CCM2: variants seen among roughly 807,000 people sequenced by gnomAD.
CCM2 encodes the protein cerebral cavernous malformations 2 protein.
Under a neutral mutation model 44.9 loss-of-function variants are expected in CCM2, and 25 were observed. That is an observed-to-expected ratio of 0.56 (90% confidence interval 0.41 to 0.78). The LOEUF (loss-of-function observed/expected upper bound fraction) is 0.78. CCM2 is among the 30% of genes least tolerant of loss of function. CCM2 has a pLI of 0.00. For synonymous variants in CCM2, 219 were observed against 241.1 expected, an observed-to-expected ratio of 0.91 and a Z score of 0.85; for missense variants, 481 against 580.6, an observed-to-expected ratio of 0.83 and a Z score of 1.76.
At position 45,064,645 on chromosome 7, in the gene CCM2, A is replaced by C. The variant is rs1176149386; in HGVS notation, c.471A>C (p.Thr157=). ...DDAAHLVVLK[T]AQDPGISPSQ... ...CTGCACACCTGGTGGTCCTGAAGAC[A>C]GGTACAGGAGGTCAGGGGTCAGGAG... Residue 157 remains threonine, a splice_region_variant and synonymous_variant, in exon 4 of 10, where the codon ACA becomes ACC. Coordinates refer to ENST00000258781, the MANE Select transcript of CCM2 (RefSeq NM_031443.4). 3 of 1,613,804 alleles carry C rather than the reference A, an allele frequency of 1.9e-6. No individual in the cohort carries two copies. The South Asian group carries it at 3.3e-5, about 18-fold the overall frequency.
At chr7:45,053,702 C>T (rs1232733804) in intron 2 of CCM2, among the ~76,000 whole-genome samples, 6 of 152,154 alleles carry the variant, frequency 3.9e-5, no homozygotes, top group African/African-American at 1.4e-4. Flanking sequence ...GGTTAGCTTC[C>T]CCTTCGGAGG....
chr7:45,050,216 G>C lies in CCM2; in HGVS notation c.204+11790G>C, dbSNP rs201657981. Among the ~76,000 whole-genome samples the C allele has an allele frequency of 7.2e-5, 11 of 152,334 alleles. No individual in the cohort carries two copies. In the East Asian group the frequency reaches 1.7e-3, roughly 24 times the overall value. ...CATACATTAACATGCTGTACAGGTT[G>C]TAGCCTGGGAGCAATACCATATAGC... On this transcript the variant is annotated intron_variant, in intron 2 of 9. Coordinates refer to ENST00000258781, the MANE Select transcript of CCM2 (RefSeq NM_031443.4).
intron 2 of CCM2, among the ~76,000 whole-genome samples, chr7:45,051,002 C>T (rs767093443): frequency 2.0e-4 from 31 of 152,156 alleles, no homozygotes; most frequent in Non-Finnish European, 2.8e-4. Flanking sequence ...TGCCACAGCT[C>T]GGTGAAGACA....
At chr7:45,053,384 A>T (rs530620711) in intron 2 of CCM2, among the ~76,000 whole-genome samples, 49 of 152,298 alleles carry the variant, frequency 3.2e-4, no homozygotes, top group African/African-American at 1.1e-3. Context: ...GATACTTTGC[A>T]TTGTAGAAGC....
chr7:45,045,794 AAAAC>A (rs1215361023), intron 2 of CCM2, among the ~76,000 whole-genome samples: 1 of 152,170 alleles, frequency 6.6e-6, no homozygotes, highest in African/African-American at 2.4e-5. Flanking sequence ...TTGCCTCAAA[AAAAC>A]AAAACAAAAC....
chr7:45,027,212 C>T (rs1021314792), intron 1 of CCM2: 2 of 265,662 alleles, frequency 7.5e-6, no homozygotes, highest in Non-Finnish European at 1.5e-5. Context: ...TGAGCAAGCA[C>T]TGCAAATGGG....
At chr7:45,072,673 C>T (rs1009941961) in intron 6 of CCM2, 53 bp from the exon 7 acceptor site, 10 of 1,409,454 alleles carry the variant, frequency 7.1e-6, no homozygotes, top group Non-Finnish European at 5.0e-6. Flanking sequence ...ACTCAAAATG[C>T]CTCCCCACTA....
intron 1 of CCM2, among the ~76,000 whole-genome samples, chr7:45,022,342 C>T (rs1349386170): frequency 1.6e-5 from 2 of 125,158 alleles, no homozygotes; most frequent in African/African-American, 3.3e-5. Context: ...TGCTCTGTTG[C>T]CCAGGCTAGA....
intron 4 of CCM2, chr7:45,067,986 T>G: frequency 4.2e-6 from 1 of 235,984 alleles, no homozygotes; most frequent in Non-Finnish European, 8.5e-6. Context: ...AGGGAGGCAA[T>G]GGGTAGGATG....
At chr7:45,021,006 A>G (rs775185686) in intron 1 of CCM2, among the ~76,000 whole-genome samples, 222 of 152,254 alleles carry the variant, frequency 1.5e-3, no homozygotes, top group Non-Finnish European at 1.9e-3. Context: ...GCCTGCCTGA[A>G]TCTCCCTCAC....
rs1583819007 is a variant in CCM2 at position 45,000,278 on chromosome 7, T to C, written c.-56T>C. On this transcript the variant is annotated 5_prime_UTR_variant, in exon 1 of 10. Coordinates refer to ENST00000258781, the MANE Select transcript of CCM2 (RefSeq NM_031443.4). ...CCCGGGTCGAGCATGTAGCGGCTGC[T>C]GGCGGCGGGGCTCCCGGGGCGGGCC... The C allele has an allele frequency of 9.3e-7, 1 of 1,074,476 alleles. No homozygotes were observed. The highest frequency in any genetic ancestry group is 4.7e-5 in the South Asian group (1 of 21,414). 66.6% of individuals were successfully genotyped at this position (1,074,476 alleles called of 1,614,324 possible).
At chr7:45,026,410 G>A (rs1406829839) in intron 1 of CCM2, among the ~76,000 whole-genome samples, 1 of 151,966 alleles carries the variant, frequency 6.6e-6, no homozygotes, top group Admixed American at 6.6e-5. Context: ...CAGTCTTTTT[G>A]GAATCAGGAA....
chr7:45,075,665 G>A, intron 9 of CCM2, 112 bp from the exon 10 acceptor site: 3 of 1,333,450 alleles, frequency 2.2e-6, no homozygotes, highest in Non-Finnish European at 2.1e-6. Flanking sequence ...GGTCCCCAAG[G>A]CCATGCACCA....
chr7:45,038,278 G>A lies in CCM2; in HGVS notation c.56G>A (p.Arg19Gln). 3 of 1,614,084 alleles carry A rather than the reference G, an allele frequency of 1.9e-6. No individual in the cohort carries two copies. The highest frequency in any genetic ancestry group is 2.5e-6 in the Non-Finnish European group (3 of 1,180,018). ...KKPGIVSPFKRVFLKGEKSRD... is the reference protein window; with the variant it reads ...KKPGIVSPFKQVFLKGEKSRD... ...CCTGGAATTGTCTCGCCATTTAAAC[G>A]AGTATTCCTAAAAGGTGAAAAGAGT... Residue 19 changes from arginine (R) to glutamine (Q), a missense_variant, in exon 2 of 10, where the codon CGA (arginine) becomes CAA (glutamine). By Grantham distance (43) the Arg-to-Gln change is conservative. Coordinates refer to ENST00000258781, the MANE Select transcript of CCM2 (RefSeq NM_031443.4).
intron 2 of CCM2, among the ~76,000 whole-genome samples, chr7:45,039,463 C>T (rs142349047): frequency 1.1e-4 from 16 of 152,284 alleles, no homozygotes; most frequent in African/African-American, 1.7e-4. Flanking sequence ...TCAGGACTCC[C>T]GCCAGGCATC....
Position 45,076,072 on chromosome 7 carries a change from G to A in CCM2, c.*15G>A, listed in dbSNP as rs200969851. The A allele has an allele frequency of 4.3e-6, 7 of 1,612,798 alleles. No individual in the cohort carries two copies. Among genetic ancestry groups the A allele is most frequent in the Non-Finnish European group, 5.1e-6 (6 of 1,180,018 alleles). ...ACTCAGCATGATGGACAGTGGATGG[G>A]GGGGCACCCACACCTTCCGCGCAGT... On this transcript the variant is annotated 3_prime_UTR_variant, in exon 10 of 10. Coordinates refer to ENST00000258781, the MANE Select transcript of CCM2 (RefSeq NM_031443.4).
intron 2 of CCM2, among the ~76,000 whole-genome samples, chr7:45,055,222 A>G (rs965708172): frequency 6.6e-6 from 1 of 152,202 alleles, no homozygotes; most frequent in Admixed American, 6.5e-5. Context: ...ATTCCGGGGT[A>G]CTTTTGTTTC....
At chr7:45,061,149 G>A (rs1351236771) in intron 2 of CCM2, among the ~76,000 whole-genome samples, 4 of 152,174 alleles carry the variant, frequency 2.6e-5, no homozygotes, top group Admixed American at 1.3e-4. Flanking sequence ...TCTTATAGGT[G>A]TGCATCCCTG....
chr7:45,018,172 G>C (rs1473852621), intron 1 of CCM2, among the ~76,000 whole-genome samples: 1 of 152,124 alleles, frequency 6.6e-6, no homozygotes, highest in Non-Finnish European at 1.5e-5. Context: ...TGCAGCCACT[G>C]ATCTCACAGG....
Sources: gnomAD v4.1 joint callset for allele counts (sites outside exome capture counted in the v4.1 genomes callset) on GRCh38, gnomAD v4.1.1 for gene constraint, MANE v1.5 for transcripts, NCBI Gene and HGNC (gene_info 2026-07-23, HGNC 2026-07-21) for gene names.